Variants in LDB3 observed in about 807,000 individuals in gnomAD.
LDB3 encodes the protein LIM domain-binding protein 3.
Under a neutral mutation model 69.0 loss-of-function variants are expected in LDB3, and 49 were observed. That is an observed-to-expected ratio of 0.71 (90% CI 0.56 to 0.90). The LOEUF (loss-of-function observed/expected upper bound fraction) is 0.90, where lower values mean the gene tolerates loss of function less well. LDB3 is among the 40% of genes least tolerant of loss of function. The pLI, the probability that LDB3 is intolerant of heterozygous loss-of-function variation, is 0.00. For missense variants in LDB3, 928 were observed against 974.1 expected (o/e 0.95, Z 0.63); for synonymous variants, 387 against 396.2 (o/e 0.98, Z 0.28).
chr10:86,669,037 C>CAGGG (rs1284595292), intron 2 of LDB3, among the ~76,000 whole-genome samples: 18 of 78,952 alleles, frequency 2.3e-4, no homozygotes, highest in African/African-American at 1.8e-3. Context: ...GCTGAGTTTT[C>CAGGG]AGGCAGGCAG....
At chr10:86,715,975 C>G (rs1846850783) in intron 9 of LDB3, among the ~76,000 whole-genome samples, 1 of 152,266 alleles carries the variant, frequency 6.6e-6, no homozygotes, top group Non-Finnish European at 1.5e-5. Context: ...GTGACCCACT[C>G]CCACCTCTCC....
At chr10:86,690,649 A>G (rs755900901) in intron 5 of LDB3, among the ~76,000 whole-genome samples, 11 of 152,234 alleles carry the variant, frequency 7.2e-5, no homozygotes, top group Non-Finnish European at 1.0e-4. Flanking sequence ...GGGAGGGTAT[A>G]AGACATGGAC....
At chr10:86,685,384 C>T (rs1215766791) in intron 5 of LDB3, among the ~76,000 whole-genome samples, 1 of 152,136 alleles carries the variant, frequency 6.6e-6, no homozygotes, top group Non-Finnish European at 1.5e-5. Flanking sequence ...GTATGCGGTA[C>T]GAGTGCCCCT....
chr10:86,669,288 C>T (rs1391631112), intron 2 of LDB3, among the ~76,000 whole-genome samples: 1 of 78,734 alleles, frequency 1.3e-5, no homozygotes, highest in Non-Finnish European at 3.3e-5. Context: ...GGACTGAGTA[C>T]TGGGCACCTG....
Position 86,680,774 on chromosome 10 carries a change from C to T in LDB3, c.321+617C>T, listed in dbSNP as rs577483024. On this transcript the variant is annotated intron_variant, in intron 4 of 13. Coordinates refer to ENST00000361373, the MANE Select transcript of LDB3 (RefSeq NM_007078.3). ...AGGCCCCGCCAAGCAGCTCAACCCC[C>T]GAGGGCTCCCTGCTCAACTTCTCCC... 5.9e-5 allele frequency among the ~76,000 whole-genome samples: 9 copies of T among 152,354 alleles called. No homozygotes were observed. In the East Asian group the frequency reaches 9.6e-4, roughly 16 times the overall value.
At chr10:86,668,408 C>A, upstream of LDB3, 1 of 518,560 alleles carries the variant, frequency 1.9e-6, no homozygotes, top group Non-Finnish European at 3.6e-6. Context: ...TCATGGTGGA[C>A]CGGCTGGGAG....
chr10:86,686,753 G>A (rs1022356480), intron 5 of LDB3, among the ~76,000 whole-genome samples: 1 of 151,106 alleles, frequency 6.6e-6, no homozygotes, highest in Non-Finnish European at 1.5e-5. Flanking sequence ...ACTGGAGTGA[G>A]TGGAGATCAC....
upstream of LDB3, chr10:86,668,394 T>G: frequency 2.1e-6 from 1 of 486,614 alleles, no homozygotes; most frequent in Non-Finnish European, 3.8e-6. Context: ...ATTAGCCGTG[T>G]GAGTCATGGT....
At chr10:86,716,801 G>A (rs1409680583) in intron 10 of LDB3, 30 bp downstream of exon 10, 1 of 1,575,924 alleles carries the variant, frequency 6.3e-7, no homozygotes, top group South Asian at 1.1e-5. Context: ...CTGCACTGGG[G>A]CACTGGAAGG....
rs1361280020 is a variant in LDB3, at chr10:86,716,363, A to G, written c.1268A>G (p.Asn423Ser). Reference sequence around the variant, plus strand: ...ACCTACAGCCCGTCCCCAGGGGCCAATTACAGTCCCACTCCCTACACCCCC... The same window carrying G: ...ACCTACAGCCCGTCCCCAGGGGCCAGTTACAGTCCCACTCCCTACACCCCC... ...ASTYSPSPGA[N>S]YSPTPYTPSP... The change falls in exon 10 of 14, where the codon AAT (asparagine) becomes AGT (serine). Residue 423 changes from asparagine (N) to serine (S), a missense_variant. Transcript: ENST00000361373. 1 of 1,609,314 alleles carries G rather than the reference A, an allele frequency of 6.2e-7. No individual in the cohort carries two copies.
At chr10:86,690,823 A>G (rs1845722422) in intron 5 of LDB3, among the ~76,000 whole-genome samples, 1 of 152,230 alleles carries the variant, frequency 6.6e-6, no homozygotes, top group Admixed American at 6.5e-5. Flanking sequence ...AATGGAAAGG[A>G]CACAGGGCTA....
chr10:86,688,091 C>G (rs200986070), intron 5 of LDB3, among the ~76,000 whole-genome samples: 5,554 of 67,748 alleles, frequency 0.082, 178 homozygotes, highest in Middle Eastern at 0.18. Context: ...GTGTATGTGT[C>G]TGTCTATCTG....
intron 3 of LDB3, 87 bp from the exon 4 acceptor site, chr10:86,679,995 T>C: frequency 8.5e-7 from 1 of 1,178,204 alleles, no homozygotes; most frequent in Non-Finnish European, 1.3e-6. Flanking sequence ...GGCTCTCTCT[T>C]GCTCTCTCCT....
At chr10:86,683,211 A>T (rs147000541) in intron 5 of LDB3, among the ~76,000 whole-genome samples, 124 of 152,318 alleles carry the variant, frequency 8.1e-4, no homozygotes, top group African/African-American at 2.8e-3. Flanking sequence ...ACCCACCTGC[A>T]ATGATGATAA....
intron 8 of LDB3, 30 bp downstream of exon 8, chr10:86,706,749 C>T: frequency 6.3e-7 from 1 of 1,589,436 alleles, no homozygotes; most frequent in Non-Finnish European, 8.6e-7. Flanking sequence ...TGGGCCTGAC[C>T]CTGGGGAAGG....
At chr10:86,710,123 T>G (rs1846590726) in intron 9 of LDB3, 73 bp downstream of exon 9, 1 of 1,585,166 alleles carries the variant, frequency 6.3e-7, no homozygotes, top group Admixed American at 1.8e-5. Flanking sequence ...AGCCAAGAAG[T>G]GGCTCTGGGG....
At chr10:86,675,538 A>G (rs61857113) in intron 2 of LDB3, among the ~76,000 whole-genome samples, 37,853 of 152,220 alleles carry the variant, frequency 0.25, 5,596 homozygotes, top group South Asian at 0.42. Flanking sequence ...TTCTCTGTAG[A>G]TGGGCATTTG....
intron 7 of LDB3, among the ~76,000 whole-genome samples, chr10:86,697,788 G>A (rs1205081879): frequency 1.3e-5 from 2 of 151,782 alleles, no homozygotes; most frequent in African/African-American, 2.4e-5. Context: ...TCCTGACCTC[G>A]TGATCTGCCC....
chr10:86,699,586 T>TC lies in LDB3; in HGVS notation c.897-6941dup. 3 of 1,409,512 alleles carry TC rather than the reference T, an allele frequency of 2.1e-6. No homozygotes were observed. The highest frequency in any genetic ancestry group is 2.8e-6 in the Non-Finnish European group (3 of 1,081,596). 87.3% of individuals were successfully genotyped at this position (1,409,512 alleles called of 1,614,324 possible). The stretch of plus-strand genomic sequence containing the variant: ...CCTGCAGCTCTGTACCCACCAAACC[T>TC]CCCCAGGGCAACCCTCGCCACCCCC... On this transcript the variant is annotated intron_variant, in intron 7 of 13. Transcript: ENST00000361373. This position sits in a 1 kb window ranked among gnomAD's most constrained non-coding sequence, Gnocchi z 4.9.
Sources: allele counts gnomAD v4.1 joint callset (sites outside exome capture counted in the v4.1 genomes callset), GRCh38; gene constraint gnomAD v4.1.1; non-coding constraint Gnocchi (gnomAD v3.1); transcripts MANE v1.5; gene names NCBI Gene and HGNC (gene_info 2026-07-23, HGNC 2026-07-21).